Variants in EPB41L4B observed in about 807,000 individuals in gnomAD.
EPB41L4B encodes band 4.1-like protein 4B.
A neutral mutation model predicts 112.5 loss-of-function variants in EPB41L4B; 30 were observed. The observed-to-expected ratio is 0.27, with a 90% CI of 0.20 to 0.36. EPB41L4B has a LOEUF of 0.36. Ranked by LOEUF, EPB41L4B falls within the 10% of genes least tolerant of loss-of-function variation. The pLI is 1.00. For missense variants in EPB41L4B, 1,024 were observed against 1,133.3 expected (o/e 0.90, Z 1.38); for synonymous variants, 408 against 439.7 (o/e 0.93, Z 0.90).
intron 17 of EPB41L4B, 108 bp downstream of exon 17, chr9:109,213,592 T>A: frequency 6.2e-6 from 5 of 801,336 alleles, no homozygotes; most frequent in Admixed American, 2.1e-5. Flanking sequence ...GGAATAGAGA[T>A]CCCTCCAAGG....
intron 15 of EPB41L4B, among the ~76,000 whole-genome samples, chr9:109,229,571 CACAGT>C (rs2118900529): frequency 6.6e-6 from 1 of 152,300 alleles, no homozygotes; most frequent in African/African-American, 2.4e-5. Context: ...ATGTAGCCCA[CACAGT>C]AGACTCACAG....
chr9:109,312,943 C>T lies in EPB41L4B; in HGVS notation c.306+7198G>A, dbSNP rs952388347. Among the ~76,000 whole-genome samples the T allele has an allele frequency of 1.1e-4, 16 of 152,080 alleles. 1 individual carries two copies. The highest frequency in any genetic ancestry group is 1.0e-3 in the Admixed American group (16 of 15,252). ...GCAATTCCATTGTCACTCTGGGGAC[C>T]AAACCTTCTCCAGCTGCCCGGGTGT... On this transcript the variant is annotated intron_variant, in intron 1 of 25. Coordinates refer to ENST00000374566, the MANE Select transcript of EPB41L4B (RefSeq NM_019114.5).
chr9:109,240,727 C>T, intron 15 of EPB41L4B: 1 of 985,428 alleles, frequency 1.0e-6, no homozygotes. Flanking sequence ...TATATGCTTT[C>T]ATTTGAGCCA....
At chr9:109,249,271 A>C (rs1321381389) in intron 13 of EPB41L4B, among the ~76,000 whole-genome samples, 2 of 151,802 alleles carry the variant, frequency 1.3e-5, no homozygotes, top group African/African-American at 2.4e-5. Flanking sequence ...CTAGGCTCTG[A>C]ACCAGATCAC....
rs943118715 is a variant in EPB41L4B, at chr9:109,256,241, T to C, written c.841-17A>G. ...ATCTCTTCCCTACAAACAAACGAAG[T>C]GACAATCGGTAGAGGGTTCTAACAG... On this transcript the variant is annotated splice_polypyrimidine_tract_variant and intron_variant, in intron 8 of 25. Transcript: ENST00000374566. 5 of 1,611,894 alleles carry C rather than the reference T, an allele frequency of 3.1e-6. No homozygotes were observed. In the African/African-American group the frequency reaches 5.3e-5, roughly 17 times the overall value.
intron 1 of EPB41L4B, among the ~76,000 whole-genome samples, chr9:109,312,871 C>T (rs571785026): frequency 6.6e-6 from 1 of 152,252 alleles, no homozygotes; most frequent in Non-Finnish European, 1.5e-5. Flanking sequence ...TTTCCACCTG[C>T]TGTTCCCTCC....
At chr9:109,197,698 T>C (rs550490132) in intron 20 of EPB41L4B, among the ~76,000 whole-genome samples, 1 of 151,904 alleles carries the variant, frequency 6.6e-6, no homozygotes, top group East Asian at 1.9e-4. Flanking sequence ...CATGTGCCTG[T>C]AGTCCCAGCT....
intron 2 of EPB41L4B, among the ~76,000 whole-genome samples, chr9:109,271,404 T>C (rs1835614848): frequency 6.6e-6 from 1 of 152,236 alleles, no homozygotes; most frequent in Admixed American, 6.5e-5. Flanking sequence ...TTTGCTTGCC[T>C]GCATCAGAGG....
intron 1 of EPB41L4B, among the ~76,000 whole-genome samples, chr9:109,313,634 T>C (rs1397545246): frequency 6.6e-6 from 1 of 152,098 alleles, no homozygotes; most frequent in African/African-American, 2.4e-5. Context: ...GTGAGGAGGG[T>C]CAGAGTGCCA....
chr9:109,245,043 A>G (rs2118979305), intron 14 of EPB41L4B, among the ~76,000 whole-genome samples: 1 of 152,318 alleles, frequency 6.6e-6, no homozygotes, highest in Non-Finnish European at 1.5e-5. Context: ...CCGGAAGGAC[A>G]TGCTGCAGGA....
chr9:109,217,055 A>T lies in EPB41L4B; in HGVS notation c.1500T>A (p.Ala500=), dbSNP rs1484125613. ...GGTGCTGGTGGTGATGCCTTCCTGA[A>T]GCTGCGGTGAGGAACGGTGTGCCCC... is the stretch of plus-strand genomic sequence containing the variant. The part of the protein sequence containing the change: ...ENGGTPFLTA[A]SGRHHHQHQH... Residue 500 remains alanine, a synonymous_variant, in exon 16 of 26, where the codon GCT becomes GCA. Coordinates refer to ENST00000374566, the MANE Select transcript of EPB41L4B (RefSeq NM_019114.5). 1 of 1,614,180 alleles carries T rather than the reference A, an allele frequency of 6.2e-7. No homozygotes were observed. The highest frequency in any genetic ancestry group is 1.7e-5 in the Admixed American group (1 of 60,024).
At chr9:109,310,584 A>T (rs1197011396) in intron 1 of EPB41L4B, among the ~76,000 whole-genome samples, 1 of 152,190 alleles carries the variant, frequency 6.6e-6, no homozygotes, top group Non-Finnish European at 1.5e-5. Context: ...TGTAAGGGGG[A>T]GAAAACTTGC....
chr9:109,201,062 C>G (rs1476621194), intron 19 of EPB41L4B, among the ~76,000 whole-genome samples: 2 of 152,158 alleles, frequency 1.3e-5, no homozygotes, highest in African/African-American at 4.8e-5. Context: ...GGCATCAAAA[C>G]AAGTTGAGGT....
intron 2 of EPB41L4B, among the ~76,000 whole-genome samples, chr9:109,277,064 A>G (rs1835858055): frequency 6.6e-6 from 1 of 152,198 alleles, no homozygotes; most frequent in Non-Finnish European, 1.5e-5. Flanking sequence ...AGAGCCAGGA[A>G]CAAGGTCCAG....
At chr9:109,234,539 A>G (rs1038685293) in intron 15 of EPB41L4B, among the ~76,000 whole-genome samples, 2 of 152,182 alleles carry the variant, frequency 1.3e-5, no homozygotes, top group African/African-American at 4.8e-5. Flanking sequence ...TTTGTATTTG[A>G]ATTTTTACTA....
chr9:109,202,005 G>C (rs1238661979), intron 19 of EPB41L4B, among the ~76,000 whole-genome samples: 1 of 152,166 alleles, frequency 6.6e-6, no homozygotes, highest in South Asian at 2.1e-4. Context: ...AGACAATGAG[G>C]GCTCAAGGTA....
chr9:109,203,825 G>A (rs1054711824), intron 18 of EPB41L4B, 95 bp from the exon 19 acceptor site: 3 of 1,021,100 alleles, frequency 2.9e-6, no homozygotes, highest in Non-Finnish European at 4.6e-6. Context: ...TATAGAAATT[G>A]GCAAGTGGAC....
At chr9:109,259,535 G>T (rs572693888) in intron 6 of EPB41L4B, among the ~76,000 whole-genome samples, 1 of 152,298 alleles carries the variant, frequency 6.6e-6, no homozygotes, top group South Asian at 2.1e-4. Context: ...CTAGGAGGCC[G>T]TGGAGGGTGG....
intron 1 of EPB41L4B, among the ~76,000 whole-genome samples, chr9:109,304,309 C>T (rs1837087613): frequency 6.6e-6 from 1 of 152,078 alleles, no homozygotes; most frequent in South Asian, 2.1e-4. Flanking sequence ...AGCTGGCTTC[C>T]AATACTAGAT....
Sources: allele counts gnomAD v4.1 joint callset (sites outside exome capture counted in the v4.1 genomes callset), GRCh38; gene constraint gnomAD v4.1.1; transcripts MANE v1.5; gene names NCBI Gene and HGNC (gene_info 2026-07-23, HGNC 2026-07-21).